GGA2: variants seen among roughly 807,000 people sequenced by gnomAD.
The protein encoded by GGA2 is golgi associated, gamma adaptin ear containing, ARF binding protein 2, also known as ADP-ribosylation factor-binding protein GGA2.
In GGA2, 48 loss-of-function variants were observed where a neutral mutation model predicts 79.5. That is an observed-to-expected ratio of 0.60 (90% CI 0.48 to 0.77). The LOEUF is 0.77. Among genes scored for constraint, GGA2 ranks in the 30% least tolerant of loss-of-function variants. GGA2 has a pLI of 0.00. For synonymous variants in GGA2, 317 were observed against 302.0 expected (o/e 1.05, Z -0.51); for missense variants, 770 against 774.0 (o/e 0.99, Z 0.06).
chr16:23,470,737 A>C (rs1964499235), intron 14 of GGA2, among the ~76,000 whole-genome samples: 1 of 124,436 alleles, frequency 8.0e-6, no homozygotes, highest in African/African-American at 3.1e-5. Context: ...TGACAGAGCG[A>C]GACTCTGTCT....
chr16:23,499,626 C>T (rs1042570464), intron 1 of GGA2, among the ~76,000 whole-genome samples: 3 of 152,010 alleles, frequency 2.0e-5, no homozygotes, highest in African/African-American at 4.8e-5. Context: ...TTTGAGAGGC[C>T]GAGGCGGGAA....
intron 13 of GGA2, 72 bp from the exon 14 acceptor site, chr16:23,475,133 T>A: frequency 4.3e-6 from 4 of 923,602 alleles, no homozygotes. Context: ...GTTAGGCTTA[T>A]TAAAGAACAA....
intron 8 of GGA2, among the ~76,000 whole-genome samples, chr16:23,484,458 T>C (rs914601831): frequency 1.3e-5 from 2 of 152,104 alleles, no homozygotes; most frequent in Non-Finnish European, 2.9e-5. Context: ...CAAAAGATGC[T>C]ATCAAAATAG....
chr16:23,495,607 A>C, intron 2 of GGA2, 87 bp downstream of exon 2: 2 of 705,826 alleles, frequency 2.8e-6, no homozygotes, highest in South Asian at 4.3e-5. Flanking sequence ...TAGAGAGCTT[A>C]ACCCTAAAAC....
intron 1 of GGA2, among the ~76,000 whole-genome samples, chr16:23,497,742 GAT>G (rs1964874436): frequency 1.3e-5 from 2 of 152,164 alleles, no homozygotes; most frequent in African/African-American, 2.4e-5. Context: ...CCTCTGAACA[GAT>G]ATTTTATCTG....
At chr16:23,522,899 C>T (rs1965162472), upstream of GGA2, 1 of 152,198 alleles carries the variant, frequency 6.6e-6, no homozygotes, top group South Asian at 2.1e-4. Flanking sequence ...CAAGATTGCA[C>T]ACTCCCATGG....
At chr16:23,479,658 A>T in intron 11 of GGA2, 107 bp downstream of exon 11, 2 of 1,296,820 alleles carry the variant, frequency 1.5e-6, no homozygotes, top group Non-Finnish European at 2.1e-6. Context: ...CCTATTCACA[A>T]CCATCTCGAC....
chr16:23,513,136 C>G (rs1220748722), upstream of GGA2, among the ~76,000 whole-genome samples: 1 of 152,146 alleles, frequency 6.6e-6, no homozygotes, highest in Admixed American at 6.5e-5. Flanking sequence ...GGCATGAGCT[C>G]TACAGTTTGC....
At chr16:23,505,256 T>G (rs563087496) in intron 1 of GGA2, among the ~76,000 whole-genome samples, 25 of 152,268 alleles carry the variant, frequency 1.6e-4, no homozygotes, top group Admixed American at 1.6e-3. Context: ...ACAGATTTAC[T>G]GAGCACCCAA....
chr16:23,497,743 A>G (rs2142136862), intron 1 of GGA2, among the ~76,000 whole-genome samples: 1 of 152,282 alleles, frequency 6.6e-6, no homozygotes, highest in South Asian at 2.1e-4. Context: ...CTCTGAACAG[A>G]TATTTTATCT....
intron 2 of GGA2, 119 bp downstream of exon 2, chr16:23,495,575 G>T: frequency 2.0e-6 from 1 of 511,310 alleles, no homozygotes; most frequent in Non-Finnish European, 3.5e-6. Flanking sequence ...GGGATTATAG[G>T]CATGAGCCAC....
rs1398348584 is a variant in GGA2 at position 23,478,481 on chromosome 16, A to G, written c.1179T>C (p.Cys393=). Residue 393 remains cysteine, a synonymous_variant, in exon 13 of 17, where the codon TGT becomes TGC. Coordinates refer to ENST00000309859, the MANE Select transcript of GGA2 (RefSeq NM_015044.4). ...TGGAGGAGGGATTCCTCTTTTCCTC[A>G]CAGCAATTCTGACCAGAAACCTGTC... ...VTGMVSGQNC[C]EEKRNPSSST... is the part of the protein sequence containing the mutation. 6.2e-7 allele frequency: 1 copy of G among 1,608,046 alleles called. No homozygotes were observed. Among genetic ancestry groups the G allele is most frequent in the African/African-American group, 1.3e-5 (1 of 74,796 alleles).
intron 2 of GGA2, among the ~76,000 whole-genome samples, chr16:23,519,306 G>A (rs891466806): frequency 6.6e-6 from 1 of 152,120 alleles, no homozygotes; most frequent in African/African-American, 2.4e-5. Flanking sequence ...GCCTCCCAAT[G>A]TGCTGGGATT....
At chr16:23,481,125 T>A (rs1380773293) in intron 9 of GGA2, among the ~76,000 whole-genome samples, 2 of 152,196 alleles carry the variant, frequency 1.3e-5, no homozygotes, top group African/African-American at 4.8e-5. Context: ...ATGCCTATAA[T>A]CCCAGCATTT....
chr16:23,492,204 T>G (rs942676049), intron 4 of GGA2, among the ~76,000 whole-genome samples: 2 of 152,194 alleles, frequency 1.3e-5, no homozygotes, highest in African/African-American at 4.8e-5. Context: ...AGGGTGCACC[T>G]GAGTTTTCAC....
rs750759673 is a variant in GGA2 at position 23,486,062 on chromosome 16, T to C, written c.751A>G (p.Met251Val). Reference sequence around the variant, plus strand: ...GGGGCCTGCCCTGGCCTGCGGTACATGCTCAGCATCTCCTGCAGCACCTTC... The same window carrying C: ...GGGGCCTGCCCTGGCCTGCGGTACACGCTCAGCATCTCCTGCAGCACCTTC... The part of the protein sequence containing the change: ...HVKVLQEMLS[M>V]YRRPGQAPPD... Residue 251 changes from methionine to valine, a missense_variant, in exon 8 of 17, where the codon ATG becomes GTG. By Grantham distance (21) the Met-to-Val change is conservative (BLOSUM62 1). Coordinates refer to ENST00000309859, the MANE Select transcript of GGA2 (RefSeq NM_015044.4). 67 of 1,614,110 alleles carry C rather than the reference T, an allele frequency of 4.2e-5. No individual in the cohort carries two copies. Among genetic ancestry groups the C allele is most frequent in the Non-Finnish European group, 5.3e-5 (63 of 1,180,042 alleles).
intron 11 of GGA2, 30 bp from the exon 12 acceptor site, chr16:23,478,941 A>G: frequency 2.0e-6 from 3 of 1,498,514 alleles, no homozygotes; most frequent in Non-Finnish European, 2.8e-6. Context: ...TGAGATGCCT[A>G]ACAGTAACTC....
At chr16:23,510,791 C>T (rs1223190935), upstream of GGA2, among the ~76,000 whole-genome samples, 1 of 152,228 alleles carries the variant, frequency 6.6e-6, no homozygotes, top group Non-Finnish European at 1.5e-5. Flanking sequence ...ACTGCAGCCT[C>T]CACCTCCTAG....
intron 14 of GGA2, among the ~76,000 whole-genome samples, chr16:23,473,244 TATG>T (rs2142115184): frequency 6.6e-6 from 1 of 151,266 alleles, no homozygotes; most frequent in African/African-American, 2.4e-5. Context: ...TATATATGTA[TATG>T]ATAAGACAAG....
Sources: allele counts gnomAD v4.1 joint callset (sites outside exome capture counted in the v4.1 genomes callset), GRCh38; gene constraint gnomAD v4.1.1; transcripts MANE v1.5; gene names NCBI Gene and HGNC (gene_info 2026-07-23, HGNC 2026-07-21).